NBEA: variants seen among roughly 807,000 people sequenced by gnomAD.
NBEA encodes neurobeachin.
In NBEA, 44 loss-of-function variants were observed where a neutral mutation model predicts 343.4. The observed-to-expected ratio is 0.13, with a 90% confidence interval of 0.10 to 0.16. The LOEUF is 0.16. NBEA is among the 10% of genes least tolerant of loss of function. The probability of loss-of-function intolerance (pLI) is 1.00; values close to 1 mark genes in which losing one functional copy is unlikely to be tolerated. For missense variants in NBEA, 2,555 were observed against 3,631.3 expected (o/e 0.70, Z 7.62); for synonymous variants, 1,175 against 1,238.7 (o/e 0.95, Z 1.08).
chr13:35,110,315 T>C (rs2152658314), intron 12 of NBEA, among the ~76,000 whole-genome samples: 1 of 151,578 alleles, frequency 6.6e-6, no homozygotes, highest in East Asian at 1.9e-4. Flanking sequence ...TATGCTCACA[T>C]GGTCAGATTG....
At chr13:35,083,238 C>T (rs1203634576) in intron 10 of NBEA, among the ~76,000 whole-genome samples, 2 of 152,024 alleles carry the variant, frequency 1.3e-5, no homozygotes, top group East Asian at 1.9e-4. Context: ...GGATATGTGG[C>T]CTTATTTCTG....
In NBEA at chr13:35,430,957, C is replaced by G. The variant is rs140717932; in HGVS notation, c.6180-1312C>G. On this transcript the variant is annotated intron_variant, in intron 38 of 58. Coordinates refer to ENST00000379939, the MANE Select transcript of NBEA (RefSeq NM_001385012.1). ...CATTAAAGCATACTTCAAAGACTTA[C>G]AATTTTAGTTCTTTTTATATGCCCT... Among the ~76,000 whole-genome samples, 307 of 152,088 alleles carry G rather than the reference C, an allele frequency of 2.0e-3. 1 individual carries two copies. Among genetic ancestry groups the G allele is most frequent in the Middle Eastern group, 0.014 (4 of 292 alleles).
intron 45 of NBEA, among the ~76,000 whole-genome samples, chr13:35,575,957 A>G (rs2080716093): frequency 1.3e-5 from 2 of 152,096 alleles, no homozygotes. Flanking sequence ...AATAACAGCC[A>G]ATATTTTGCA....
At chr13:35,667,232 G>A (rs1005219796) in intron 56 of NBEA, 142 bp from the exon 57 acceptor site, 40 of 651,498 alleles carry the variant, frequency 6.1e-5, no homozygotes, top group Admixed American at 3.7e-4. Flanking sequence ...TAGCATCAGC[G>A]CTTGGCCTGG....
chr13:34,948,848 A>C lies in NBEA; in HGVS notation c.294+5734A>C, dbSNP rs550440194. ...ACAATGTCTTTTAAGAGAGCAGTTAACTTCGGTCCAAGTTAGCATGCTTGA... is the reference window on the plus strand; with the variant it reads ...ACAATGTCTTTTAAGAGAGCAGTTACCTTCGGTCCAAGTTAGCATGCTTGA... On this transcript the variant is annotated intron_variant, in intron 1 of 58. Transcript: ENST00000379939. Among the ~76,000 whole-genome samples the C allele has an allele frequency of 1.5e-4, 23 of 152,280 alleles. No individual in the cohort carries two copies. The South Asian group carries it at 3.9e-3, about 26-fold the overall frequency.
intron 1 of NBEA, among the ~76,000 whole-genome samples, chr13:35,010,744 ATATATATATATATAT>A (rs2061465998): frequency 4.8e-5 from 3 of 62,192 alleles, no homozygotes; most frequent in Non-Finnish European, 5.4e-5. Context: ...AAAAAAAAAT[ATATATATATATATAT>A]ATATATATAT....
intron 34 of NBEA, among the ~76,000 whole-genome samples, chr13:35,272,422 C>G (rs1276895899): frequency 5.3e-5 from 8 of 152,130 alleles, no homozygotes; most frequent in African/African-American, 9.7e-5. Flanking sequence ...TAAAGACCCT[C>G]AACGCTATGA....
At chr13:35,266,432 C>CA (rs1444605281) in intron 34 of NBEA, among the ~76,000 whole-genome samples, 4 of 151,730 alleles carry the variant, frequency 2.6e-5, no homozygotes, top group African/African-American at 9.7e-5. Context: ...GATGTGTACT[C>CA]AGTTTAAGTG....
At chr13:35,131,145 A>G (rs1735921713) in intron 17 of NBEA, among the ~76,000 whole-genome samples, 1 of 152,174 alleles carries the variant, frequency 6.6e-6, no homozygotes, top group Non-Finnish European at 1.5e-5. Flanking sequence ...CAAGACTATT[A>G]AACAGAGTAA....
intron 44 of NBEA, among the ~76,000 whole-genome samples, chr13:35,565,613 A>G (rs910685677): frequency 6.6e-5 from 10 of 152,228 alleles, no homozygotes; most frequent in African/African-American, 2.4e-4. Context: ...TAATTGGATC[A>G]TAACGCATTT....
intron 1 of NBEA, among the ~76,000 whole-genome samples, chr13:34,987,541 G>A (rs1404811006): frequency 6.6e-6 from 1 of 150,886 alleles, no homozygotes; most frequent in Non-Finnish European, 1.5e-5. Flanking sequence ...ATGTTGGCCT[G>A]TCTTGCTGGG....
chr13:35,603,719 G>A (rs2082159493), intron 47 of NBEA, among the ~76,000 whole-genome samples: 1 of 152,134 alleles, frequency 6.6e-6, no homozygotes, highest in South Asian at 2.1e-4. Flanking sequence ...CTGACGAAAG[G>A]CAGTAAGGGA....
At chr13:35,526,729 G>T (rs1317502455) in intron 41 of NBEA, among the ~76,000 whole-genome samples, 1 of 152,228 alleles carries the variant, frequency 6.6e-6, no homozygotes, top group African/African-American at 2.4e-5. Context: ...GGCGAGCCAG[G>T]CACAGAGTGG....
chr13:35,411,653 G>GTTA (rs1011723183), intron 38 of NBEA, among the ~76,000 whole-genome samples: 22 of 144,976 alleles, frequency 1.5e-4, no homozygotes, highest in Middle Eastern at 3.5e-3. Flanking sequence ...TTGTTTTGTT[G>GTTA]TTGTTGTTGT....
At chr13:35,111,694 G>A (rs2066215426) in intron 13 of NBEA, among the ~76,000 whole-genome samples, 1 of 151,842 alleles carries the variant, frequency 6.6e-6, no homozygotes, top group South Asian at 2.1e-4. Flanking sequence ...AAATGTTAGA[G>A]CATTCTCTCA....
chr13:35,441,140 C>T (rs2045718105), intron 39 of NBEA, among the ~76,000 whole-genome samples: 1 of 152,048 alleles, frequency 6.6e-6, no homozygotes, highest in Non-Finnish European at 1.5e-5. Context: ...AATTGTTTGC[C>T]TGTCTCAAAA....
At chr13:35,393,673 T>G (rs2042610096) in intron 38 of NBEA, among the ~76,000 whole-genome samples, 1 of 152,008 alleles carries the variant, frequency 6.6e-6, no homozygotes, top group African/African-American at 2.4e-5. Context: ...ATGGTACCAA[T>G]GATATCCAAA....
At chr13:35,476,993 T>C (rs1020785013) in intron 41 of NBEA, 13 of 188,130 alleles carry the variant, frequency 6.9e-5, no homozygotes, top group African/African-American at 3.1e-4. Context: ...TGCTTGTCTT[T>C]TACCGCTGAA....
At chr13:35,170,206 C>G (rs2070356554) in intron 25 of NBEA, among the ~76,000 whole-genome samples, 1 of 151,442 alleles carries the variant, frequency 6.6e-6, no homozygotes, top group African/African-American at 2.4e-5. Context: ...TTCTTCCAAG[C>G]AGGAAGAAGT....
Sources: allele counts gnomAD v4.1 joint callset (sites outside exome capture counted in the v4.1 genomes callset), GRCh38; gene constraint gnomAD v4.1.1; transcripts MANE v1.5; gene names NCBI Gene and HGNC (gene_info 2026-07-23, HGNC 2026-07-21).